AHCYL2: variants seen among roughly 807,000 people sequenced by gnomAD.
AHCYL2 encodes adenosylhomocysteinase like 2.
A neutral mutation model predicts 81.4 loss-of-function variants in AHCYL2; 28 were observed. The ratio of observed to expected loss-of-function variants is 0.34; its 90% CI spans 0.25 to 0.47. The LOEUF (loss-of-function observed/expected upper bound fraction) is 0.47. AHCYL2 is among the 20% of genes least tolerant of loss of function. The pLI, the probability that AHCYL2 is intolerant of heterozygous loss-of-function variation, is 1.00. For synonymous variants in AHCYL2, 272 were observed against 290.2 expected (o/e 0.94, Z 0.64); for missense variants, 551 against 785.1 (o/e 0.70, Z 3.56).
intron 1 of AHCYL2, among the ~76,000 whole-genome samples, chr7:129,239,446 T>A (rs937729686): frequency 1.3e-5 from 2 of 151,558 alleles, no homozygotes; most frequent in East Asian, 1.9e-4. Flanking sequence ...TTTTTTTTTT[T>A]AGAGATGGGG....
At chr7:129,365,998 T>C (rs1026854813) in intron 1 of AHCYL2, among the ~76,000 whole-genome samples, 6 of 152,192 alleles carry the variant, frequency 3.9e-5, no homozygotes, top group Non-Finnish European at 8.8e-5. Context: ...CTTCTCATTT[T>C]AAGAAGTCCT....
intron 12 of AHCYL2, among the ~76,000 whole-genome samples, chr7:129,421,446 C>CA (rs900552315): frequency 1.3e-5 from 2 of 152,096 alleles, no homozygotes; most frequent in Non-Finnish European, 2.9e-5. Flanking sequence ...CTGGATTGAA[C>CA]ATTCTTGGGC....
At position 129,321,272 on chromosome 7, in the gene AHCYL2, A is replaced by G. The variant is rs73722950; in HGVS notation, c.364-58366A>G. Among the ~76,000 whole-genome samples, 269 of 152,332 alleles carry G rather than the reference A, an allele frequency of 1.8e-3. 1 individual carries two copies. The highest frequency in any genetic ancestry group is 6.2e-3 in the African/African-American group (257 of 41,588). On this transcript the variant is annotated intron_variant, in intron 1 of 16. Transcript: ENST00000325006. ...TTAAGAAGAAAGCATTCAGTTTTTC[A>G]TCCTTACGTATAATGTTAACTGTAA...
chr7:129,257,507 A>G (rs1311908931), intron 1 of AHCYL2, among the ~76,000 whole-genome samples: 2 of 152,210 alleles, frequency 1.3e-5, no homozygotes, highest in African/African-American at 4.8e-5. Flanking sequence ...TGCCTGGTGC[A>G]TGGTGGCTGC....
intron 1 of AHCYL2, among the ~76,000 whole-genome samples, chr7:129,315,900 A>G (rs1797811877): frequency 6.6e-6 from 1 of 152,232 alleles, no homozygotes; most frequent in South Asian, 2.1e-4. Context: ...AATATGAACA[A>G]TATTCATTGG....
At chr7:129,314,404 C>T (rs1307927868) in intron 1 of AHCYL2, among the ~76,000 whole-genome samples, 1 of 152,192 alleles carries the variant, frequency 6.6e-6, no homozygotes, top group African/African-American at 2.4e-5. Context: ...AGCACATTGT[C>T]TTAGCCCATT....
chr7:129,291,848 G>T (rs972404878), intron 1 of AHCYL2, among the ~76,000 whole-genome samples: 1 of 151,502 alleles, frequency 6.6e-6, no homozygotes, highest in Non-Finnish European at 1.5e-5. Context: ...CTCATGATCC[G>T]CCCGCCTCAG....
chr7:129,313,340 G>A (rs954567684), intron 1 of AHCYL2, among the ~76,000 whole-genome samples: 3 of 152,208 alleles, frequency 2.0e-5, no homozygotes, highest in African/African-American at 7.2e-5. Flanking sequence ...AGTGAAGGAA[G>A]TTTGAAATGT....
At chr7:129,237,085 T>C (rs145834109) in intron 1 of AHCYL2, among the ~76,000 whole-genome samples, 293 of 152,326 alleles carry the variant, frequency 1.9e-3, no homozygotes, top group African/African-American at 6.6e-3. Context: ...TCTTGTAACA[T>C]TGTTTATTAT....
intron 1 of AHCYL2, among the ~76,000 whole-genome samples, chr7:129,347,393 G>A (rs1004016571): frequency 6.6e-6 from 1 of 152,134 alleles, no homozygotes; most frequent in Admixed American, 6.5e-5. Flanking sequence ...CGGGCAGAGG[G>A]TATATGGGAA....
At chr7:129,337,872 T>G (rs35386880) in intron 1 of AHCYL2, among the ~76,000 whole-genome samples, 3,758 of 152,194 alleles carry the variant, frequency 0.025, 76 homozygotes, top group Admixed American at 0.058. Flanking sequence ...GCCTCCCAAG[T>G]AGCTGGAATT....
intron 1 of AHCYL2, among the ~76,000 whole-genome samples, chr7:129,343,331 A>C (rs1285978110): frequency 6.6e-6 from 1 of 152,124 alleles, no homozygotes; most frequent in African/African-American, 2.4e-5. Flanking sequence ...ACTTAGCATT[A>C]ATTTTCATAT....
chr7:129,319,076 C>T (rs778120174), intron 1 of AHCYL2, among the ~76,000 whole-genome samples: 9 of 152,006 alleles, frequency 5.9e-5, no homozygotes, highest in Non-Finnish European at 1.2e-4. Flanking sequence ...GTGAGAAAAA[C>T]AAGAATAATC....
chr7:129,332,613 T>C (rs958299124), intron 1 of AHCYL2, among the ~76,000 whole-genome samples: 2 of 152,228 alleles, frequency 1.3e-5, no homozygotes, highest in Admixed American at 1.3e-4. Context: ...CTTTGAGCTT[T>C]TCACTAGAAA....
At chr7:129,382,919 T>G (rs968068187) in intron 2 of AHCYL2, among the ~76,000 whole-genome samples, 1 of 152,096 alleles carries the variant, frequency 6.6e-6, no homozygotes, top group Non-Finnish European at 1.5e-5. Flanking sequence ...AAAAAATTAA[T>G]AATTTAAATG....
chr7:129,391,638 T>C (rs1795475009), intron 4 of AHCYL2, among the ~76,000 whole-genome samples: 1 of 152,250 alleles, frequency 6.6e-6, no homozygotes, highest in African/African-American at 2.4e-5. Flanking sequence ...GAAATTGTTA[T>C]ATTGAGCAGT....
chr7:129,267,172 T>C (rs1440988813), intron 1 of AHCYL2, among the ~76,000 whole-genome samples: 1 of 151,436 alleles, frequency 6.6e-6, no homozygotes, highest in Non-Finnish European at 1.5e-5. Context: ...GAGTGGGGTG[T>C]GTGGTGTATG....
chr7:129,273,238 A>G (rs1161787685), intron 1 of AHCYL2, among the ~76,000 whole-genome samples: 2 of 150,850 alleles, frequency 1.3e-5, no homozygotes, highest in Admixed American at 6.6e-5. Context: ...TTCAGAGGAA[A>G]GATAAAATTC....
intron 1 of AHCYL2, among the ~76,000 whole-genome samples, chr7:129,344,574 G>A (rs193217374): frequency 5.9e-5 from 9 of 152,166 alleles, no homozygotes; most frequent in East Asian, 1.9e-4. Flanking sequence ...TGGTTGCCTC[G>A]GGTTGTGATA....
Sources: gnomAD v4.1 joint callset for allele counts (sites outside exome capture counted in the v4.1 genomes callset) on GRCh38, gnomAD v4.1.1 for gene constraint, MANE v1.5 for transcripts, NCBI Gene and HGNC (gene_info 2026-07-23, HGNC 2026-07-21) for gene names.